The following WDFY1 variants were observed in gnomAD, a reference collection of about 807,000 sequenced individuals.
WDFY1 encodes the protein WD repeat and FYVE domain-containing protein 1.
Under a neutral mutation model 56.4 loss-of-function variants are expected in WDFY1, and 32 were observed. That is an observed-to-expected ratio of 0.57 (90% CI 0.43 to 0.76). The LOEUF (loss-of-function observed/expected upper bound fraction) is 0.76, where lower values mean the gene tolerates loss of function less well. Ranked by LOEUF, WDFY1 falls within the 30% of genes least tolerant of loss-of-function variation. WDFY1 has a pLI of 0.00. For synonymous variants in WDFY1, 192 were observed against 197.3 expected (o/e 0.97, Z 0.23); for missense variants, 480 against 545.7 (o/e 0.88, Z 1.20).
intron 1 of WDFY1, among the ~76,000 whole-genome samples, chr2:223,929,080 C>T (rs773347817): frequency 2.0e-5 from 3 of 152,072 alleles, no homozygotes; most frequent in Non-Finnish European, 2.9e-5. Context: ...AGAAGATGCT[C>T]CCAAAAGGCA....
chr2:223,878,769 T>C, intron 11 of WDFY1, 39 bp from the exon 12 acceptor site: 1 of 1,604,296 alleles, frequency 6.2e-7, no homozygotes. Flanking sequence ...GCAGCAGTGA[T>C]AACCAGGTCT....
intron 6 of WDFY1, among the ~76,000 whole-genome samples, chr2:223,897,367 TATATATATATA>T (rs1693401346): frequency 9.5e-5 from 3 of 31,570 alleles, no homozygotes; most frequent in Non-Finnish European, 2.2e-4. Context: ...TATATATATA[TATATATATATA>T]TATATATATA....
chr2:223,903,682 A>T (rs1417563165), intron 4 of WDFY1, among the ~76,000 whole-genome samples: 1 of 146,340 alleles, frequency 6.8e-6, no homozygotes, highest in Admixed American at 7.0e-5. Context: ...ACAGGATCTC[A>T]CTCTGTTGCC....
At chr2:223,918,929 T>C (rs769778069) in intron 1 of WDFY1, among the ~76,000 whole-genome samples, 18 of 152,186 alleles carry the variant, frequency 1.2e-4, no homozygotes, top group Non-Finnish European at 2.4e-4. Flanking sequence ...CATCGGAACA[T>C]GCACAGGGTG....
chr2:223,905,592 A>T (rs756426030), intron 4 of WDFY1, among the ~76,000 whole-genome samples: 6 of 152,234 alleles, frequency 3.9e-5, no homozygotes, highest in Non-Finnish European at 5.9e-5. Context: ...TACTTATTCA[A>T]TACACACACA....
intron 11 of WDFY1, among the ~76,000 whole-genome samples, chr2:223,879,476 T>G (rs982518164): frequency 1.1e-4 from 17 of 151,974 alleles, no homozygotes; most frequent in African/African-American, 4.1e-4. Flanking sequence ...GGCAACATAG[T>G]AGGACCCAAT....
chr2:223,904,044 G>A (rs574765644), intron 4 of WDFY1, among the ~76,000 whole-genome samples: 3 of 152,222 alleles, frequency 2.0e-5, no homozygotes, highest in Non-Finnish European at 4.4e-5. Flanking sequence ...AGGAATTTAC[G>A]GATTCTTGAT....
intron 3 of WDFY1, among the ~76,000 whole-genome samples, chr2:223,911,610 ACACAC>A (rs1693703618): frequency 2.1e-5 from 3 of 142,966 alleles, no homozygotes; most frequent in African/African-American, 7.9e-5. Flanking sequence ...ACACACACAC[ACACAC>A]AGAGTGACAG....
chr2:223,901,151 G>A, intron 5 of WDFY1, 32 bp downstream of exon 5: 1 of 1,597,144 alleles, frequency 6.3e-7, no homozygotes, highest in Non-Finnish European at 8.5e-7. Flanking sequence ...CAGAGGCCAG[G>A]GGAAGGAGAG....
chr2:223,889,484 G>A (rs1415009499), intron 8 of WDFY1, among the ~76,000 whole-genome samples: 2 of 152,120 alleles, frequency 1.3e-5, no homozygotes, highest in Non-Finnish European at 2.9e-5. Flanking sequence ...ATGGGGGTGG[G>A]TTTTTCCCAT....
intron 3 of WDFY1, among the ~76,000 whole-genome samples, chr2:223,910,920 C>T (rs1488459418): frequency 6.6e-6 from 1 of 151,908 alleles, no homozygotes; most frequent in Non-Finnish European, 1.5e-5. Flanking sequence ...GTATACATAC[C>T]CAAGAGAATA....
chr2:223,891,263 A>C (rs668870), intron 8 of WDFY1, among the ~76,000 whole-genome samples: 3 of 151,366 alleles, frequency 2.0e-5, no homozygotes, highest in African/African-American at 7.3e-5. Context: ...TAAGCCTGTC[A>C]CCCCAGATAC....
intron 1 of WDFY1, among the ~76,000 whole-genome samples, chr2:223,930,639 G>A (rs146683794): frequency 1.7e-3 from 260 of 152,330 alleles, no homozygotes; most frequent in African/African-American, 6.1e-3. Context: ...TTGAATATGG[G>A]TTGGCTAGTG....
At position 223,945,310 on chromosome 2, in the gene WDFY1, C is replaced by T; in HGVS notation, c.-26G>A. On this transcript the variant is annotated 5_prime_UTR_variant, in exon 1 of 12. Coordinates refer to ENST00000233055, the MANE Select transcript of WDFY1 (RefSeq NM_020830.5). ...GTTCGCGCGGCGACTGCTGCGGCCT[C>T]CTCGGCAGGCAGCCCATCAGCTGAC... 1 of 1,551,962 alleles carries T rather than the reference C, an allele frequency of 6.4e-7. No individual in the cohort carries two copies. The highest frequency in any genetic ancestry group is 8.6e-7 in the Non-Finnish European group (1 of 1,157,712).
chr2:223,910,324 A>G (rs1213252340), intron 3 of WDFY1, among the ~76,000 whole-genome samples: 5 of 152,124 alleles, frequency 3.3e-5, no homozygotes, highest in Non-Finnish European at 7.4e-5. Flanking sequence ...ACAGGTGTAA[A>G]TCTTGATTTA....
intron 5 of WDFY1, among the ~76,000 whole-genome samples, chr2:223,899,899 T>C (rs935386400): frequency 3.9e-5 from 6 of 152,246 alleles, no homozygotes; most frequent in African/African-American, 1.4e-4. Flanking sequence ...CCATGTTTCT[T>C]TTGGCCTAGA....
chr2:223,898,318 G>C lies in WDFY1; in HGVS notation c.598+640C>G, dbSNP rs150467941. On this transcript the variant is annotated intron_variant, in intron 6 of 11. Coordinates refer to ENST00000233055, the MANE Select transcript of WDFY1 (RefSeq NM_020830.5). ...TTAGAAACTGACAAATTTTTTTAAAGTAATAACAACAATTCTTCCAAAAGG... is the reference window on the plus strand; with the variant it reads ...TTAGAAACTGACAAATTTTTTTAAACTAATAACAACAATTCTTCCAAAAGG... 5.6e-3 allele frequency among the ~76,000 whole-genome samples: 846 copies of C among 152,258 alleles called. 5 individuals carry two copies. Among genetic ancestry groups the C allele is most frequent in the African/African-American group, 0.019 (793 of 41,558 alleles).
At chr2:223,938,577 T>G (rs1182879787) in intron 1 of WDFY1, among the ~76,000 whole-genome samples, 1 of 152,224 alleles carries the variant, frequency 6.6e-6, no homozygotes, top group Non-Finnish European at 1.5e-5. Context: ...CAAGAAGTAG[T>G]ACCATTTTCT....
chr2:223,927,078 C>A (rs1693996960), intron 1 of WDFY1, among the ~76,000 whole-genome samples: 1 of 152,166 alleles, frequency 6.6e-6, no homozygotes, highest in Admixed American at 6.5e-5. Flanking sequence ...GTCATCCAGG[C>A]TTTGTTGTTC....
Sources: gnomAD v4.1 joint callset for allele counts (sites outside exome capture counted in the v4.1 genomes callset) on GRCh38, gnomAD v4.1.1 for gene constraint, MANE v1.5 for transcripts, NCBI Gene and HGNC (gene_info 2026-07-23, HGNC 2026-07-21) for gene names.